Variants in ROBO2 observed in about 807,000 individuals in gnomAD.
The protein encoded by ROBO2 is roundabout homolog 2.
Under a neutral mutation model 160.8 loss-of-function variants are expected in ROBO2, and 53 were observed. The observed-to-expected ratio is 0.33, with a 90% confidence interval of 0.26 to 0.41. The LOEUF (loss-of-function observed/expected upper bound fraction) is 0.41. Ranked by LOEUF, ROBO2 falls within the 10% of genes least tolerant of loss-of-function variation. ROBO2 has a pLI of 1.00. For synonymous variants in ROBO2, 664 were observed against 611.7 expected, an observed-to-expected ratio of 1.09 and a Z score of -1.26; for missense variants, 1,577 against 1,722.4, an observed-to-expected ratio of 0.92 and a Z score of 1.49.
intron 2 of ROBO2, among the ~76,000 whole-genome samples, chr3:75,994,402 C>G (rs568766115): frequency 6.6e-6 from 1 of 152,258 alleles, no homozygotes; most frequent in East Asian, 1.9e-4. Flanking sequence ...GGGAGGGACC[C>G]AGTGGGAGGT....
intron 20 of ROBO2, chr3:77,603,661 A>G (rs1251234856): frequency 6.6e-6 from 1 of 152,474 alleles, no homozygotes; most frequent in Non-Finnish European, 1.5e-5. Context: ...CTGACAATCT[A>G]TAATGTCAGT....
intron 2 of ROBO2, among the ~76,000 whole-genome samples, chr3:77,248,686 CGAGGTCCAGGGCCTGT>C (rs898605815): frequency 1.4e-4 from 22 of 151,792 alleles, no homozygotes; most frequent in African/African-American, 3.9e-4. Flanking sequence ...AAGCAGCCAG[CGAGGTCCAGGGCCTGT>C]GAGGTCCAGG....
chr3:76,837,790 C>T (rs751329021), intron 2 of ROBO2, among the ~76,000 whole-genome samples: 13 of 152,022 alleles, frequency 8.6e-5, no homozygotes, highest in South Asian at 2.1e-4. Flanking sequence ...GGATACGTAA[C>T]ATTTGTGCCA....
chr3:77,591,360 C>G (rs916936871), intron 17 of ROBO2, among the ~76,000 whole-genome samples: 3 of 152,126 alleles, frequency 2.0e-5, no homozygotes, highest in Non-Finnish European at 4.4e-5. Flanking sequence ...GATAGGCACT[C>G]TGAAAGCTTC....
At chr3:77,276,170 G>C (rs2059809793) in intron 2 of ROBO2, among the ~76,000 whole-genome samples, 1 of 150,798 alleles carries the variant, frequency 6.6e-6, no homozygotes, top group Non-Finnish European at 1.5e-5. Context: ...GCTTTCCTTT[G>C]CATGTTCCTC....
intron 2 of ROBO2, among the ~76,000 whole-genome samples, chr3:77,397,731 T>G (rs1001953742): frequency 6.6e-6 from 1 of 152,180 alleles, no homozygotes; most frequent in Non-Finnish European, 1.5e-5. Context: ...GGTGTATAAA[T>G]TGCATTTATC....
intron 2 of ROBO2, among the ~76,000 whole-genome samples, chr3:76,058,715 T>C (rs62267249): frequency 0.1 from 15,510 of 148,448 alleles, 1,012 homozygotes; most frequent in Non-Finnish European, 0.14. Flanking sequence ...TTGTTACATA[T>C]GTATACATGT....
chr3:77,611,527 C>T (rs2094642428), intron 21 of ROBO2, among the ~76,000 whole-genome samples: 1 of 151,938 alleles, frequency 6.6e-6, no homozygotes, highest in Admixed American at 6.6e-5. Context: ...AAAGCAAGGT[C>T]AATGGGTTGG....
chr3:76,569,671 A>G (rs1432727075), intron 2 of ROBO2, among the ~76,000 whole-genome samples: 1 of 152,180 alleles, frequency 6.6e-6, no homozygotes, highest in East Asian at 1.9e-4. Flanking sequence ...GAGTCATTAT[A>G]TCTAGGTAAC....
At chr3:76,008,701 A>G (rs942946736) in intron 2 of ROBO2, among the ~76,000 whole-genome samples, 1 of 149,620 alleles carries the variant, frequency 6.7e-6, no homozygotes, top group African/African-American at 2.4e-5. Flanking sequence ...AGAATCCTCT[A>G]TCTTGTCCTT....
intron 2 of ROBO2, among the ~76,000 whole-genome samples, chr3:76,753,452 A>C (rs1024517704): frequency 6.6e-6 from 1 of 151,880 alleles, no homozygotes. Flanking sequence ...TTTATTTCAA[A>C]CTACAAATAT....
chr3:77,514,195 C>T (rs1291001474), intron 5 of ROBO2, among the ~76,000 whole-genome samples: 2 of 151,506 alleles, frequency 1.3e-5, no homozygotes, highest in Non-Finnish European at 3.0e-5. Context: ...AAAATAAACT[C>T]CACTTATTGA....
intron 2 of ROBO2, among the ~76,000 whole-genome samples, chr3:76,413,125 C>G (rs959711929): frequency 3.9e-5 from 6 of 152,214 alleles, no homozygotes; most frequent in African/African-American, 1.4e-4. Flanking sequence ...TTCAGCATGG[C>G]TGGAGCAGCT....
At chr3:76,415,587 A>G (rs1237830024) in intron 2 of ROBO2, among the ~76,000 whole-genome samples, 2 of 152,224 alleles carry the variant, frequency 1.3e-5, no homozygotes, top group Non-Finnish European at 2.9e-5. Context: ...GAAAAAGACT[A>G]GCACATAGTA....
At chr3:76,552,772 A>G (rs182359786) in intron 2 of ROBO2, among the ~76,000 whole-genome samples, 3 of 152,282 alleles carry the variant, frequency 2.0e-5, no homozygotes, top group African/African-American at 7.2e-5. Context: ...CAGAGCATGG[A>G]CCTTTCCAAC....
rs545627998 is a variant in ROBO2 at position 75,963,575 on chromosome 3, C to T, written c.109+25973C>T. On this transcript the variant is annotated intron_variant, in intron 2 of 26. Coordinates refer to the ROBO2 transcript ENST00000487694. ...ATCAAACATCTGAAAATGATGCTAA[C>T]GTAGTTGGGTGCTGGCTTTAAAAAG... Among the ~76,000 whole-genome samples, 10 of 151,906 alleles carry T rather than the reference C, an allele frequency of 6.6e-5. No homozygotes were observed. The South Asian group carries it at 1.7e-3, about 25-fold the overall frequency.
chr3:77,548,099 C>A, intron 7 of ROBO2, among the ~76,000 whole-genome samples: 1 of 150,974 alleles, frequency 6.6e-6, no homozygotes, highest in East Asian at 2.0e-4. Context: ...CATACATGCA[C>A]ACACATAGAC....
At chr3:76,194,382 A>ATATATATATG (rs2107203447) in intron 2 of ROBO2, among the ~76,000 whole-genome samples, 1 of 144,110 alleles carries the variant, frequency 6.9e-6, no homozygotes, top group Non-Finnish European at 1.5e-5. Flanking sequence ...ATATATATAT[A>ATATATATATG]TATAGTGTGA....
At chr3:76,233,897 C>T (rs575797767) in intron 2 of ROBO2, among the ~76,000 whole-genome samples, 1 of 152,136 alleles carries the variant, frequency 6.6e-6, no homozygotes, top group African/African-American at 2.4e-5. Flanking sequence ...TAGGGGCTTG[C>T]TGTACAGATT....
Sources: allele counts gnomAD v4.1 joint callset (sites outside exome capture counted in the v4.1 genomes callset), GRCh38; gene constraint gnomAD v4.1.1; transcripts MANE v1.5; gene names NCBI Gene and HGNC (gene_info 2026-07-23, HGNC 2026-07-21).